The following PDE4B variants were observed in gnomAD, a reference collection of about 807,000 sequenced individuals.
The protein encoded by PDE4B is phosphodiesterase 4B.
In PDE4B, 20 loss-of-function variants were observed where a neutral mutation model predicts 82.2. That is an observed-to-expected ratio of 0.24 (90% CI 0.17 to 0.35). The LOEUF is 0.35. PDE4B is among the 10% of genes least tolerant of loss of function. The pLI is 1.00. For synonymous variants in PDE4B, 320 were observed against 318.9 expected, an observed-to-expected ratio of 1.00 and a Z score of -0.04; for missense variants, 655 against 907.2, an observed-to-expected ratio of 0.72 and a Z score of 3.57.
intron 1 of PDE4B, among the ~76,000 whole-genome samples, chr1:65,865,120 C>T (rs894052241): frequency 1.5e-4 from 23 of 152,188 alleles, no homozygotes; most frequent in Non-Finnish European, 2.8e-4. Flanking sequence ...CCCACAGCTG[C>T]TTTGCCATGC....
intron 3 of PDE4B, among the ~76,000 whole-genome samples, chr1:66,000,455 A>G (rs1228634181): frequency 1.3e-5 from 2 of 152,136 alleles, no homozygotes; most frequent in Non-Finnish European, 2.9e-5. Context: ...CAAGTTAATA[A>G]CCCTTGTACT....
intron 3 of PDE4B, among the ~76,000 whole-genome samples, chr1:66,183,850 T>G (rs1647124212): frequency 1.3e-5 from 2 of 152,160 alleles, no homozygotes; most frequent in African/African-American, 4.8e-5. Context: ...GTACCTTAAA[T>G]CACAAGGCAG....
chr1:65,947,941 T>C (rs375973554), intron 3 of PDE4B, among the ~76,000 whole-genome samples: 2 of 148,346 alleles, frequency 1.3e-5, no homozygotes, highest in East Asian at 3.9e-4. Flanking sequence ...ATATACTATA[T>C]ATAATATATA....
intron 1 of PDE4B, among the ~76,000 whole-genome samples, chr1:65,841,275 C>A (rs1244798435): frequency 1.3e-5 from 2 of 150,834 alleles, no homozygotes; most frequent in Admixed American, 1.3e-4. Context: ...TTCACTCCAG[C>A]CTGGGTGATA....
chr1:65,822,970 G>T (rs768437056), intron 1 of PDE4B, among the ~76,000 whole-genome samples: 2 of 152,028 alleles, frequency 1.3e-5, no homozygotes, highest in African/African-American at 2.4e-5. Flanking sequence ...AAGTGGTATC[G>T]CATACTGATT....
chr1:66,176,399 C>T (rs893026751), intron 3 of PDE4B, among the ~76,000 whole-genome samples: 1 of 152,234 alleles, frequency 6.6e-6, no homozygotes, highest in African/African-American at 2.4e-5. Flanking sequence ...CCAAAGCAAG[C>T]TCTGTTGTGC....
chr1:66,098,091 C>G (rs942315462), intron 3 of PDE4B, among the ~76,000 whole-genome samples: 8 of 152,058 alleles, frequency 5.3e-5, no homozygotes, highest in Non-Finnish European at 4.4e-5. Context: ...AAGACTAACT[C>G]TATGTAAGCT....
intron 3 of PDE4B, among the ~76,000 whole-genome samples, chr1:65,988,635 A>T (rs891998580): frequency 4.7e-4 from 71 of 151,456 alleles, no homozygotes; most frequent in Admixed American, 2.8e-3. Context: ...TCTTTTAAAG[A>T]TTTTTTTTTA....
At chr1:66,346,009 C>T (rs979328489) in intron 8 of PDE4B, among the ~76,000 whole-genome samples, 1 of 152,150 alleles carries the variant, frequency 6.6e-6, no homozygotes, top group Non-Finnish European at 1.5e-5. Flanking sequence ...ACTATTCTCT[C>T]AAAAAGTCTG....
intron 3 of PDE4B, among the ~76,000 whole-genome samples, chr1:65,968,122 T>C (rs937890638): frequency 6.6e-6 from 1 of 152,118 alleles, no homozygotes; most frequent in African/African-American, 2.4e-5. Flanking sequence ...ATAGAAAGAC[T>C]ATGGACCGAG....
At chr1:65,976,277 T>G (rs1650403488) in intron 3 of PDE4B, among the ~76,000 whole-genome samples, 1 of 152,258 alleles carries the variant, frequency 6.6e-6, no homozygotes, top group Non-Finnish European at 1.5e-5. Context: ...GATTTCAGAC[T>G]GGCACGGTGC....
At chr1:65,859,847 T>G (rs964119581) in intron 1 of PDE4B, among the ~76,000 whole-genome samples, 2 of 152,184 alleles carry the variant, frequency 1.3e-5, no homozygotes, top group Admixed American at 6.5e-5. Flanking sequence ...CCACTCTTCT[T>G]ATTTCCCTAT....
At chr1:66,329,411 G>T (rs1659954527) in intron 7 of PDE4B, among the ~76,000 whole-genome samples, 1 of 152,084 alleles carries the variant, frequency 6.6e-6, no homozygotes, top group African/African-American at 2.4e-5. Flanking sequence ...GCAGAAGAAA[G>T]GAAAAAACTT....
chr1:66,306,999 C>T (rs638111), intron 7 of PDE4B, among the ~76,000 whole-genome samples: 72,855 of 151,286 alleles, frequency 0.48, 18,397 homozygotes, highest in Non-Finnish European at 0.56. Context: ...ATGTGGTAGC[C>T]GAAATAGACG....
At chr1:65,903,055 A>G (rs1289665419) in intron 1 of PDE4B, among the ~76,000 whole-genome samples, 1 of 152,192 alleles carries the variant, frequency 6.6e-6, no homozygotes, top group African/African-American at 2.4e-5. Flanking sequence ...GTGGTATTTT[A>G]ATAAGTAAAA....
At chr1:65,853,704 A>G (rs916264970) in intron 1 of PDE4B, among the ~76,000 whole-genome samples, 28 of 151,826 alleles carry the variant, frequency 1.8e-4, no homozygotes, top group African/African-American at 6.5e-4. Context: ...TAATTTTTGT[A>G]TTTTTAGTAG....
intron 3 of PDE4B, among the ~76,000 whole-genome samples, chr1:66,088,514 A>G (rs961745167): frequency 7.9e-5 from 12 of 152,096 alleles, no homozygotes; most frequent in African/African-American, 2.9e-4. Context: ...TAGATGTCTC[A>G]TTTACAGATT....
At chr1:66,050,248 A>G (rs754159305) in intron 3 of PDE4B, among the ~76,000 whole-genome samples, 9 of 152,036 alleles carry the variant, frequency 5.9e-5, no homozygotes, top group Non-Finnish European at 1.2e-4. Context: ...GTTTTTACTA[A>G]TGACTCAGCT....
intron 3 of PDE4B, among the ~76,000 whole-genome samples, chr1:65,921,210 C>T (rs1289984873): frequency 3.3e-5 from 5 of 151,654 alleles, no homozygotes; most frequent in Non-Finnish European, 7.4e-5. Context: ...CCTCGTGATC[C>T]GCCCGCCTCG....
Sources: allele counts gnomAD v4.1 joint callset (sites outside exome capture counted in the v4.1 genomes callset), GRCh38; gene constraint gnomAD v4.1.1; transcripts MANE v1.5; gene names NCBI Gene and HGNC (gene_info 2026-07-23, HGNC 2026-07-21).